MAMDC2: variants seen among roughly 807,000 people sequenced by gnomAD.
MAMDC2 encodes the protein MAM domain-containing protein 2.
Under a neutral mutation model 89.8 loss-of-function variants are expected in MAMDC2, and 57 were observed. That is an observed-to-expected ratio of 0.63 (90% confidence interval 0.51 to 0.79). The LOEUF (loss-of-function observed/expected upper bound fraction) is 0.79, where lower values mean the gene tolerates loss of function less well. Among genes scored for constraint, MAMDC2 ranks in the 30% least tolerant of loss-of-function variants. MAMDC2 has a pLI of 0.00. For synonymous variants in MAMDC2, 313 were observed against 293.4 expected, an observed-to-expected ratio of 1.07 and a Z score of -0.68; for missense variants, 800 against 820.6, an observed-to-expected ratio of 0.97 and a Z score of 0.31.
chr9:70,121,345 G>C (rs1162642592), intron 5 of MAMDC2, among the ~76,000 whole-genome samples: 1 of 152,110 alleles, frequency 6.6e-6, no homozygotes, highest in African/African-American at 2.4e-5. Flanking sequence ...TCCCAGAAGG[G>C]GCCTGAGCAC....
rs56289208 is a variant in MAMDC2 at position 70,162,909 on chromosome 9, C to CAAAA, written c.1405-5781_1405-5778dup. Among the ~76,000 whole-genome samples, 41 of 141,032 alleles carry CAAAA rather than the reference C, an allele frequency of 2.9e-4. 1 individual carries two copies. The highest frequency in any genetic ancestry group is 4.3e-4 in the Admixed American group (6 of 14,066). The allele number at this position is 141,032 out of a possible 152,430, so 92.5% of individuals were successfully genotyped here. A position where few individuals can be genotyped will look rare whatever the true frequency, so the allele number is the denominator to read the frequency against. The stretch of plus-strand genomic sequence containing the variant: ...CCTCCTCCTAATCAACCACCCCCCT[C>CAAAA]AAAAAAAAAAAAAAACTTTAGAAGA... On this transcript the variant is annotated intron_variant, in intron 9 of 13. Coordinates refer to ENST00000377182, the MANE Select transcript of MAMDC2 (RefSeq NM_153267.5).
intron 11 of MAMDC2, among the ~76,000 whole-genome samples, chr9:70,213,426 A>AT (rs529270908): frequency 5.9e-5 from 9 of 151,948 alleles, no homozygotes; most frequent in African/African-American, 1.2e-4. Context: ...TTTGGGATGA[A>AT]TTTTTTTTAA....
intron 9 of MAMDC2, among the ~76,000 whole-genome samples, chr9:70,167,397 C>G (rs1256606642): frequency 6.6e-6 from 1 of 152,038 alleles, no homozygotes; most frequent in African/African-American, 2.4e-5. Context: ...CATCAAAAAG[C>G]AAAAGAACCC....
At chr9:70,126,585 C>T (rs2030562651) in intron 6 of MAMDC2, among the ~76,000 whole-genome samples, 170 bp downstream of exon 6, 1 of 152,236 alleles carries the variant, frequency 6.6e-6, no homozygotes, top group South Asian at 2.1e-4. Context: ...CTCCCTTCCT[C>T]TGTGTCCCCT....
chr9:70,162,683 G>A (rs985907744), intron 9 of MAMDC2, among the ~76,000 whole-genome samples: 3 of 151,860 alleles, frequency 2.0e-5, no homozygotes, highest in Non-Finnish European at 2.9e-5. Context: ...GTAGAGAGGG[G>A]GTTTTGCCAT....
intron 2 of MAMDC2, among the ~76,000 whole-genome samples, chr9:70,102,221 G>T (rs1483522361): frequency 6.6e-6 from 1 of 152,102 alleles, no homozygotes; most frequent in Non-Finnish European, 1.5e-5. Context: ...TGAAAATAAA[G>T]AAGCCAGTGA....
chr9:70,082,385 T>C (rs1014300174), intron 2 of MAMDC2, among the ~76,000 whole-genome samples: 9 of 152,104 alleles, frequency 5.9e-5, no homozygotes, highest in African/African-American at 2.2e-4. Context: ...TCAAATTCAT[T>C]AGGTAAAAAA....
intron 12 of MAMDC2, among the ~76,000 whole-genome samples, chr9:70,224,650 T>C (rs973165877): frequency 4.6e-5 from 7 of 152,166 alleles, no homozygotes; most frequent in Non-Finnish European, 8.8e-5. Context: ...CCCACTCACA[T>C]TGGGTGAGGA....
intron 11 of MAMDC2, among the ~76,000 whole-genome samples, chr9:70,197,363 C>T (rs116802392): frequency 1.2e-3 from 176 of 152,090 alleles, no homozygotes; most frequent in African/African-American, 3.9e-3. Context: ...ATCATTCACA[C>T]GGCAAGATAA....
chr9:70,183,746 A>G (rs1380028798), intron 11 of MAMDC2, among the ~76,000 whole-genome samples: 1 of 152,012 alleles, frequency 6.6e-6, no homozygotes, highest in Non-Finnish European at 1.5e-5. Context: ...GTGTCTTTGC[A>G]TGTGAGATGA....
chr9:70,168,865 C>A, intron 10 of MAMDC2, 70 bp downstream of exon 10: 2 of 1,272,964 alleles, frequency 1.6e-6, no homozygotes, highest in Non-Finnish European at 2.3e-6. Context: ...CGCTGAGAAT[C>A]ACATACATTT....
chr9:70,067,974 A>G (rs952478404), intron 2 of MAMDC2, among the ~76,000 whole-genome samples: 33 of 152,196 alleles, frequency 2.2e-4, no homozygotes, highest in African/African-American at 7.7e-4. Flanking sequence ...TATTTTCAAC[A>G]TCTTTAAAAT....
intron 2 of MAMDC2, chr9:70,062,794 C>T (rs1408198909): frequency 6.6e-6 from 1 of 152,192 alleles, no homozygotes; most frequent in Non-Finnish European, 1.5e-5. Context: ...CTTCTACTGC[C>T]TAGGTGTACT....
chr9:70,061,144 A>C (rs928025389), intron 2 of MAMDC2, among the ~76,000 whole-genome samples: 1 of 152,212 alleles, frequency 6.6e-6, no homozygotes, highest in African/African-American at 2.4e-5. Flanking sequence ...TGTGTTCTCC[A>C]GGCCCACTTA....
chr9:70,128,391 C>A (rs1009592061), intron 6 of MAMDC2, among the ~76,000 whole-genome samples: 2 of 152,228 alleles, frequency 1.3e-5, no homozygotes, highest in Non-Finnish European at 2.9e-5. Context: ...AAGTCCACAT[C>A]TTTTCCTTCA....
intron 11 of MAMDC2, among the ~76,000 whole-genome samples, chr9:70,187,545 A>G (rs1189254796): frequency 6.6e-6 from 1 of 152,124 alleles, no homozygotes; most frequent in Non-Finnish European, 1.5e-5. Flanking sequence ...GCTTATCACT[A>G]TCTAATTCTA....
At position 70,181,227 on chromosome 9, in the gene MAMDC2, C is replaced by A. The variant is rs12342376; in HGVS notation, c.1651+10596C>A. ...TTGGTCTATATGTCTGTTTTGGCAC[C>A]AGTACCATGCTGTTTTGGTTACTGT... On this transcript the variant is annotated intron_variant, in intron 11 of 13. Transcript: ENST00000377182. Among the ~76,000 whole-genome samples, 1,500 of 152,272 alleles carry A rather than the reference C, an allele frequency of 9.9e-3. 31 individuals are homozygous for A. Among genetic ancestry groups the A allele is most frequent in the African/African-American group, 0.034 (1,394 of 41,550 alleles).
At chr9:70,140,798 C>T (rs936550468) in intron 8 of MAMDC2, among the ~76,000 whole-genome samples, 2 of 152,028 alleles carry the variant, frequency 1.3e-5, no homozygotes, top group African/African-American at 4.8e-5. Context: ...AAATTTTATA[C>T]CATGTATATT....
intron 5 of MAMDC2, among the ~76,000 whole-genome samples, chr9:70,113,364 C>T (rs1342485211): frequency 2.6e-5 from 4 of 152,192 alleles, no homozygotes; most frequent in African/African-American, 9.7e-5. Context: ...AAGGCCATTC[C>T]ATTAAAAGTT....
Sources: gnomAD v4.1 joint callset for allele counts (sites outside exome capture counted in the v4.1 genomes callset) on GRCh38, gnomAD v4.1.1 for gene constraint, MANE v1.5 for transcripts, NCBI Gene and HGNC (gene_info 2026-07-23, HGNC 2026-07-21) for gene names.